CHODL: variants seen among roughly 807,000 people sequenced by gnomAD.
The protein encoded by CHODL is chondrolectin.
CHODL carries 29 observed loss-of-function variants against 34.5 expected under a neutral mutation model. The ratio of observed to expected loss-of-function variants is 0.84; its 90% CI spans 0.63 to 1.15. The LOEUF (loss-of-function observed/expected upper bound fraction) is 1.15. Ranked by LOEUF, CHODL falls within the 50% of genes most tolerant of loss-of-function variation. The pLI, the probability that CHODL is intolerant of heterozygous loss-of-function variation, is 0.00. For synonymous variants in CHODL, 125 were observed against 116.1 expected, an observed-to-expected ratio of 1.08 and a Z score of -0.49; for missense variants, 332 against 332.5, an observed-to-expected ratio of 1.00 and a Z score of 0.01.
intron 2 of CHODL, among the ~76,000 whole-genome samples, chr21:18,235,483 C>T (rs567801295): frequency 1.3e-5 from 2 of 152,108 alleles, no homozygotes; most frequent in Admixed American, 6.5e-5. Context: ...TAAACCTAAA[C>T]CCCAGTTAAC....
intron 1 of CHODL, 54 bp from the exon 2 acceptor site, chr21:18,256,455 G>C: frequency 6.8e-7 from 1 of 1,473,066 alleles, no homozygotes; most frequent in Non-Finnish European, 9.1e-7. Flanking sequence ...TCTTAGTGTT[G>C]TTACAAATAG....
intron 1 of CHODL, among the ~76,000 whole-genome samples, chr21:17,948,080 A>G (rs1017804730): frequency 2.0e-5 from 3 of 152,326 alleles, no homozygotes; most frequent in South Asian, 2.1e-4. Flanking sequence ...CTTCTCACTT[A>G]TAAGTAGTAG....
chr21:18,057,136 T>C (rs2064592046), intron 2 of CHODL, among the ~76,000 whole-genome samples: 1 of 152,108 alleles, frequency 6.6e-6, no homozygotes, highest in Non-Finnish European at 1.5e-5. Context: ...AATTTCATCC[T>C]TGAGGGTAAG....
At chr21:18,087,087 T>TC (rs1315859886) in intron 2 of CHODL, among the ~76,000 whole-genome samples, 1 of 152,152 alleles carries the variant, frequency 6.6e-6, no homozygotes, top group East Asian at 1.9e-4. Context: ...AGCTTGGTCT[T>TC]CCCTGTCGAT....
chr21:17,990,406 T>C (rs2063787742), intron 1 of CHODL, among the ~76,000 whole-genome samples: 1 of 152,074 alleles, frequency 6.6e-6, no homozygotes, highest in Non-Finnish European at 1.5e-5. Flanking sequence ...CTGTCAATTC[T>C]GCCATATAAA....
chr21:18,012,984 A>G (rs917660285), intron 1 of CHODL, among the ~76,000 whole-genome samples: 23 of 152,282 alleles, frequency 1.5e-4, no homozygotes, highest in Non-Finnish European at 4.4e-5. Context: ...TTTAGTGTAA[A>G]ATCTTGTTGG....
chr21:17,928,072 GC>G (rs1600973877), intron 1 of CHODL, among the ~76,000 whole-genome samples: 1 of 152,250 alleles, frequency 6.6e-6, no homozygotes, highest in East Asian at 1.9e-4. Context: ...TGGCATGGTG[GC>G]CATCATAAAC....
At position 18,165,586 on chromosome 21, in the gene CHODL, T is replaced by C. The variant is rs551561621; in HGVS notation, c.-44-90923T>C. ...CTAAAACTCTGGACAATGGGCTGCT[T>C]TGCAACATGGTAGCTAGCTTCCAAG... On this transcript the variant is annotated intron_variant, in intron 2 of 6. Coordinates refer to the CHODL transcript ENST00000400127. Among the ~76,000 whole-genome samples, 9 of 152,196 alleles carry C rather than the reference T, an allele frequency of 5.9e-5. No individual in the cohort carries two copies. In the East Asian group the frequency reaches 9.7e-4, roughly 16 times the overall value.
At chr21:17,921,802 G>A (rs1451281995) in intron 1 of CHODL, among the ~76,000 whole-genome samples, 1 of 152,176 alleles carries the variant, frequency 6.6e-6, no homozygotes, top group African/African-American at 2.4e-5. Flanking sequence ...TACAAGTCCA[G>A]GCAAGAGATA....
intron 1 of CHODL, among the ~76,000 whole-genome samples, chr21:18,010,932 A>G (rs2064013283): frequency 6.6e-6 from 1 of 152,192 alleles, no homozygotes; most frequent in African/African-American, 2.4e-5. Context: ...AGTATAAGAA[A>G]AGTATTAACA....
chr21:18,148,226 T>A (rs1349131473), intron 2 of CHODL, among the ~76,000 whole-genome samples: 3 of 152,216 alleles, frequency 2.0e-5, no homozygotes, highest in Admixed American at 6.5e-5. Flanking sequence ...TGAATATTTT[T>A]TATTTTTTAA....
chr21:18,131,072 C>T (rs1017210584), intron 2 of CHODL, among the ~76,000 whole-genome samples: 5 of 151,782 alleles, frequency 3.3e-5, no homozygotes, highest in East Asian at 1.9e-4. Context: ...TGCAAATGGC[C>T]GCCTGGCTTG....
At chr21:18,131,971 A>G (rs1446307154) in intron 2 of CHODL, among the ~76,000 whole-genome samples, 1 of 152,058 alleles carries the variant, frequency 6.6e-6, no homozygotes, top group Admixed American at 6.6e-5. Flanking sequence ...TATGTAACTG[A>G]TTTTACTTGT....
chr21:17,925,771 C>T (rs1459606924), intron 1 of CHODL, among the ~76,000 whole-genome samples: 1 of 152,214 alleles, frequency 6.6e-6, no homozygotes, highest in African/African-American at 2.4e-5. Flanking sequence ...GTGAGCCACA[C>T]ACTTTCTGAG....
At chr21:17,918,775 T>C (rs930026780) in intron 1 of CHODL, among the ~76,000 whole-genome samples, 1 of 152,234 alleles carries the variant, frequency 6.6e-6, no homozygotes, top group African/African-American at 2.4e-5. Context: ...CTAAGTCTTA[T>C]CTGCGGTAAG....
At chr21:17,939,799 C>T (rs537288299) in intron 1 of CHODL, among the ~76,000 whole-genome samples, 1 of 152,284 alleles carries the variant, frequency 6.6e-6, no homozygotes, top group African/African-American at 2.4e-5. Flanking sequence ...CTTTATCAAA[C>T]AAGGTAGTTT....
At chr21:18,251,442 TA>T (rs372010241) in intron 1 of CHODL, among the ~76,000 whole-genome samples, 4 of 13,016 alleles carry the variant, frequency 3.1e-4, no homozygotes, top group African/African-American at 6.4e-4. Flanking sequence ...TTTTAATATA[TA>T]AAAATACATA....
intron 2 of CHODL, among the ~76,000 whole-genome samples, chr21:18,236,294 G>A (rs1462669877): frequency 1.3e-5 from 2 of 152,044 alleles, no homozygotes; most frequent in Admixed American, 6.6e-5. Flanking sequence ...AGGGAAAACC[G>A]CCTCCATGAT....
At chr21:18,070,659 G>A (rs542567075) in intron 2 of CHODL, among the ~76,000 whole-genome samples, 1 of 152,160 alleles carries the variant, frequency 6.6e-6, no homozygotes, top group Admixed American at 6.5e-5. Flanking sequence ...CAGAATAAAC[G>A]CTGTTAGTGC....
Sources: allele counts gnomAD v4.1 joint callset (sites outside exome capture counted in the v4.1 genomes callset), GRCh38; gene constraint gnomAD v4.1.1; transcripts MANE v1.5; gene names NCBI Gene and HGNC (gene_info 2026-07-23, HGNC 2026-07-21).